The following STMN4 variants were observed in gnomAD, a reference collection of about 807,000 sequenced individuals.
STMN4 encodes stathmin-4.
Under a neutral mutation model 29.1 loss-of-function variants are expected in STMN4, and 12 were observed. That is an observed-to-expected ratio of 0.41 (90% CI 0.26 to 0.67). The LOEUF is 0.67. STMN4 is among the 30% of genes least tolerant of loss of function. The pLI, the probability that STMN4 is intolerant of heterozygous loss-of-function variation, is 0.30. For synonymous variants in STMN4, 114 were observed against 105.3 expected (o/e 1.08, Z -0.51); for missense variants, 181 against 262.8 (o/e 0.69, Z 2.15).
At chr8:27,239,375 C>A in intron 6 of STMN4, 1 of 1,376,644 alleles carries the variant, frequency 7.3e-7, no homozygotes, top group Non-Finnish European at 9.9e-7. Context: ...GTGTTCTCAG[C>A]AGAACGGGCC....
intron 5 of STMN4, among the ~76,000 whole-genome samples, chr8:27,240,488 A>C (rs59191998): frequency 0.01 from 1,547 of 152,386 alleles, 16 homozygotes; most frequent in Middle Eastern, 0.058. Context: ...GGTAAAAAAA[A>C]GTCTCACAGA....
intron 2 of STMN4, 104 bp from the exon 3 acceptor site, chr8:27,242,596 A>C: frequency 9.0e-7 from 1 of 1,110,742 alleles, no homozygotes; most frequent in Non-Finnish European, 1.3e-6. Flanking sequence ...CCATAAAGGC[A>C]CTCAAACCAC....
intron 4 of STMN4, 103 bp from the exon 5 acceptor site, chr8:27,241,365 G>T: frequency 7.2e-7 from 1 of 1,380,530 alleles, no homozygotes; most frequent in Non-Finnish European, 1.0e-6. Flanking sequence ...GGGGCCCCAA[G>T]CAAGCTGGAG....
At chr8:27,238,941 AC>A (rs756166054) in intron 6 of STMN4, among the ~76,000 whole-genome samples, 7 of 152,144 alleles carry the variant, frequency 4.6e-5, no homozygotes, top group Non-Finnish European at 1.0e-4. Context: ...TCTTAGCCCA[AC>A]CCCAGGTTTT....
At chr8:27,245,547 A>G (rs1297714538) in intron 1 of STMN4, among the ~76,000 whole-genome samples, 1 of 152,238 alleles carries the variant, frequency 6.6e-6, no homozygotes, top group Non-Finnish European at 1.5e-5. Flanking sequence ...TCCTGACGGC[A>G]CCAGTGAGTC....
At chr8:27,256,354 T>C (rs1801939358) in intron 1 of STMN4, among the ~76,000 whole-genome samples, 1 of 152,170 alleles carries the variant, frequency 6.6e-6, no homozygotes, top group South Asian at 2.1e-4. Flanking sequence ...TTTTATGTTA[T>C]GTGTATTTAC....
chr8:27,242,044 T>A, intron 3 of STMN4: 1 of 564,742 alleles, frequency 1.8e-6, no homozygotes, highest in South Asian at 2.3e-5. Flanking sequence ...GGAAACTGAC[T>A]CACATCGTCT....
At chr8:27,240,984 A>G in intron 5 of STMN4, 70 bp downstream of exon 5, 1 of 1,494,070 alleles carries the variant, frequency 6.7e-7, no homozygotes, top group African/African-American at 1.4e-5. Context: ...GCTCAGGTCC[A>G]CCACCTGTCT....
At chr8:27,257,334 C>T (rs1801969896) in intron 1 of STMN4, among the ~76,000 whole-genome samples, 1 of 152,154 alleles carries the variant, frequency 6.6e-6, no homozygotes, top group Non-Finnish European at 1.5e-5. Flanking sequence ...CCTCGAGCCT[C>T]AGCAGGCCAC....
intron 1 of STMN4, among the ~76,000 whole-genome samples, chr8:27,250,357 T>C (rs1051478317): frequency 6.6e-6 from 1 of 152,238 alleles, no homozygotes; most frequent in Non-Finnish European, 1.5e-5. Context: ...TCATTCTTTC[T>C]ACAATATTTA....
Position 27,240,148 on chromosome 8 carries a change from C to T in STMN4, c.414G>A (p.Glu138=), listed in dbSNP as rs766541515. 10 of 1,613,796 alleles carry T rather than the reference C, an allele frequency of 6.2e-6. No individual in the cohort carries two copies. In the South Asian group the frequency reaches 1.1e-4, roughly 18 times the overall value. ...AEERRKYQEA[E]LLKHLAEKRE... ...GTTTCTCTGCTAGGTGTTTCAGGAG[C>T]TCCGCTTCCTGGTACTGGGGAAGCA... Residue 138 remains glutamate (E), a synonymous_variant, in exon 6 of 7, where the codon GAG becomes GAA. Transcript: ENST00000350889.
intron 3 of STMN4, 168 bp downstream of exon 3, chr8:27,242,229 C>A (rs1020677665): frequency 1.5e-6 from 1 of 682,772 alleles, no homozygotes; most frequent in African/African-American, 1.8e-5. Flanking sequence ...CCAGGCTGGA[C>A]CACTGCAGCT....
At chr8:27,244,581 C>T (rs569737415) in intron 1 of STMN4, among the ~76,000 whole-genome samples, 16 of 152,204 alleles carry the variant, frequency 1.1e-4, no homozygotes, top group Non-Finnish European at 1.6e-4. Context: ...TCCCTGGTGT[C>T]GGTAGCACCT....
intron 6 of STMN4, among the ~76,000 whole-genome samples, chr8:27,238,687 C>G (rs1241806039): frequency 6.6e-6 from 1 of 152,230 alleles, no homozygotes; most frequent in Non-Finnish European, 1.5e-5. Context: ...AGCCAAAGAT[C>G]TGGGTGCTAG....
chr8:27,251,024 A>G (rs1247810644), intron 1 of STMN4, among the ~76,000 whole-genome samples: 1 of 152,096 alleles, frequency 6.6e-6, no homozygotes. Flanking sequence ...TGAGGCAGGC[A>G]AATCATGAGG....
chr8:27,240,247 A>C (rs1303828148), intron 5 of STMN4, 85 bp from the exon 6 acceptor site: 1 of 1,426,856 alleles, frequency 7.0e-7, no homozygotes, highest in Non-Finnish European at 9.5e-7. Context: ...AAAGCTGCAC[A>C]CTCAGAACAC....
intron 1 of STMN4, among the ~76,000 whole-genome samples, chr8:27,253,810 T>G (rs1004198559): frequency 6.6e-6 from 1 of 150,814 alleles, no homozygotes; most frequent in African/African-American, 2.4e-5. Context: ...TAAGACGGAG[T>G]CTTGCTCTGT....
intron 1 of STMN4, among the ~76,000 whole-genome samples, chr8:27,245,367 T>G (rs1352454453): frequency 6.6e-6 from 1 of 152,086 alleles, no homozygotes; most frequent in African/African-American, 2.4e-5. Context: ...GCTCAGAGGG[T>G]TTATGTGCCT....
intron 1 of STMN4, among the ~76,000 whole-genome samples, chr8:27,251,240 G>T (rs1473449414): frequency 6.6e-6 from 1 of 150,788 alleles, no homozygotes; most frequent in African/African-American, 2.4e-5. Flanking sequence ...GTGAAAGAGT[G>T]AGACTTCATC....
Sources: gnomAD v4.1 joint callset for allele counts (sites outside exome capture counted in the v4.1 genomes callset) on GRCh38, gnomAD v4.1.1 for gene constraint, MANE v1.5 for transcripts, NCBI Gene and HGNC (gene_info 2026-07-23, HGNC 2026-07-21) for gene names.